FSIP1: variants seen among roughly 807,000 people sequenced by gnomAD.
FSIP1 encodes the protein fibrous sheath interacting protein 1.
In FSIP1, 65 loss-of-function variants were observed where a neutral mutation model predicts 60.9. That is an observed-to-expected ratio of 1.07 (90% CI 0.87 to 1.31). FSIP1 has a LOEUF of 1.31. Ranked by LOEUF, FSIP1 falls within the 40% of genes most tolerant of loss-of-function variation. The pLI, the probability that FSIP1 is intolerant of heterozygous loss-of-function variation, is 0.00. For synonymous variants in FSIP1, 209 were observed against 221.2 expected (o/e 0.94, Z 0.49); for missense variants, 675 against 665.5 (o/e 1.01, Z -0.16).
intron 11 of FSIP1, among the ~76,000 whole-genome samples, chr15:39,603,167 CTAAT>C (rs891291872): frequency 6.6e-6 from 1 of 152,164 alleles, no homozygotes; most frequent in African/African-American, 2.4e-5. Flanking sequence ...AGAAAAGCAT[CTAAT>C]ACACAGGAGA....
chr15:39,652,050 G>A (rs544205000), intron 10 of FSIP1, among the ~76,000 whole-genome samples: 1 of 152,308 alleles, frequency 6.6e-6, no homozygotes, highest in Non-Finnish European at 1.5e-5. Flanking sequence ...CTAGGCAGCA[G>A]GCATAAGTTA....
chr15:39,702,746 T>G (rs1264695086), intron 10 of FSIP1, among the ~76,000 whole-genome samples: 1 of 151,638 alleles, frequency 6.6e-6, no homozygotes, highest in African/African-American at 2.4e-5. Context: ...ATAATTATAC[T>G]TAATTATATT....
chr15:39,608,724 G>A (rs946604205), intron 11 of FSIP1, among the ~76,000 whole-genome samples: 2 of 152,152 alleles, frequency 1.3e-5, no homozygotes, highest in African/African-American at 2.4e-5. Context: ...GTTCTACTCA[G>A]GAAGATGGCA....
intron 10 of FSIP1, among the ~76,000 whole-genome samples, chr15:39,672,898 C>T (rs547152087): frequency 1.3e-5 from 2 of 152,272 alleles, no homozygotes; most frequent in African/African-American, 2.4e-5. Context: ...AGGATGGAAA[C>T]TCATGGCATG....
At chr15:39,630,574 C>T (rs991922109) in intron 10 of FSIP1, among the ~76,000 whole-genome samples, 4 of 152,200 alleles carry the variant, frequency 2.6e-5, no homozygotes, top group Non-Finnish European at 5.9e-5. Flanking sequence ...ATCTACTATG[C>T]ACCACATACA....
intron 10 of FSIP1, among the ~76,000 whole-genome samples, chr15:39,687,195 C>A (rs1894416645): frequency 8.4e-6 from 1 of 118,612 alleles, no homozygotes; most frequent in Admixed American, 1.2e-4. Flanking sequence ...GTTGCCCAGG[C>A]TGGAGTGGGA....
At chr15:39,612,849 T>A (rs1466840587) in intron 11 of FSIP1, among the ~76,000 whole-genome samples, 1 of 152,128 alleles carries the variant, frequency 6.6e-6, no homozygotes, top group East Asian at 1.9e-4. Context: ...CATATTTTTG[T>A]CTCATGATAG....
At chr15:39,641,484 G>A (rs115824128) in intron 10 of FSIP1, among the ~76,000 whole-genome samples, 1,755 of 152,236 alleles carry the variant, frequency 0.012, 42 homozygotes, top group African/African-American at 0.04. Flanking sequence ...AAAAATCCTC[G>A]AAACTGTTTA....
intron 10 of FSIP1, among the ~76,000 whole-genome samples, chr15:39,686,876 G>A (rs1378853179): frequency 1.3e-5 from 2 of 152,274 alleles, no homozygotes; most frequent in East Asian, 3.9e-4. Context: ...TTTATGTTTT[G>A]TTTGTTGTTG....
chr15:39,738,292 G>C (rs1478776841), intron 7 of FSIP1, 91 bp from the exon 8 acceptor site: 9 of 740,684 alleles, frequency 1.2e-5, no homozygotes, highest in African/African-American at 1.8e-5. Flanking sequence ...CTACACTACA[G>C]ATACACAAAG....
chr15:39,734,246 A>C (rs986880029), intron 8 of FSIP1, among the ~76,000 whole-genome samples: 4 of 152,192 alleles, frequency 2.6e-5, no homozygotes, highest in African/African-American at 9.7e-5. Flanking sequence ...ATACACAAAC[A>C]CTCAAAAATT....
chr15:39,698,319 T>G (rs1456351569), intron 10 of FSIP1, among the ~76,000 whole-genome samples: 3 of 152,104 alleles, frequency 2.0e-5, no homozygotes, highest in Admixed American at 6.6e-5. Context: ...AGCAGAAGAT[T>G]TAAAATTACT....
intron 11 of FSIP1, 105 bp from the exon 12 acceptor site, chr15:39,601,031 G>A (rs954113112): frequency 9.3e-5 from 77 of 828,504 alleles, no homozygotes; most frequent in Non-Finnish European, 1.0e-4. Flanking sequence ...TACACATGAG[G>A]CAATAATCAC....
At chr15:39,773,486 T>C (rs906485899) in intron 2 of FSIP1, among the ~76,000 whole-genome samples, 2 of 152,248 alleles carry the variant, frequency 1.3e-5, no homozygotes, top group Non-Finnish European at 2.9e-5. Context: ...ATCACTGATA[T>C]TCTCCTTTTA....
chr15:39,646,707 A>C (rs1305585224), intron 10 of FSIP1, among the ~76,000 whole-genome samples: 1 of 93,894 alleles, frequency 1.1e-5, no homozygotes, highest in Non-Finnish European at 2.0e-5. Flanking sequence ...CTGTCTCTTA[A>C]AAAAAAAAAA....
intron 11 of FSIP1, among the ~76,000 whole-genome samples, chr15:39,607,316 C>G (rs1890862217): frequency 6.6e-6 from 1 of 152,176 alleles, no homozygotes; most frequent in Non-Finnish European, 1.5e-5. Flanking sequence ...AAAGGCATAG[C>G]ATTGGAAGCC....
At chr15:39,737,581 T>C (rs1896656612) in intron 8 of FSIP1, among the ~76,000 whole-genome samples, 1 of 152,172 alleles carries the variant, frequency 6.6e-6, no homozygotes, top group African/African-American at 2.4e-5. Context: ...TGACATTAAA[T>C]AATCCTTTGA....
intron 10 of FSIP1, among the ~76,000 whole-genome samples, chr15:39,632,475 G>A (rs1030155758): frequency 6.6e-5 from 10 of 152,056 alleles, no homozygotes; most frequent in African/African-American, 1.2e-4. Context: ...CACTGCGCCC[G>A]GCAACTTCTG....
intron 9 of FSIP1, among the ~76,000 whole-genome samples, chr15:39,724,055 G>T (rs1896091128): frequency 6.6e-6 from 1 of 152,156 alleles, no homozygotes; most frequent in Non-Finnish European, 1.5e-5. Flanking sequence ...TACATCCAAT[G>T]TGAGTCCCAA....
Sources: gnomAD v4.1 joint callset for allele counts (sites outside exome capture counted in the v4.1 genomes callset) on GRCh38, gnomAD v4.1.1 for gene constraint, MANE v1.5 for transcripts, NCBI Gene and HGNC (gene_info 2026-07-23, HGNC 2026-07-21) for gene names.